PTPN9: variants seen among roughly 807,000 people sequenced by gnomAD.
The protein encoded by PTPN9 is protein tyrosine phosphatase non-receptor type 9.
Under a neutral mutation model 69.8 loss-of-function variants are expected in PTPN9, and 26 were observed. The observed-to-expected ratio is 0.37, with a 90% CI of 0.27 to 0.52. PTPN9 has a LOEUF of 0.52. PTPN9 is among the 20% of genes least tolerant of loss of function. PTPN9 has a pLI of 0.91. For synonymous variants in PTPN9, 274 were observed against 272.5 expected (o/e 1.01, Z -0.05); for missense variants, 549 against 740.3 (o/e 0.74, Z 3.00).
chr15:75,473,963 A>G (rs551247992), intron 9 of PTPN9, among the ~76,000 whole-genome samples, 196 bp from the exon 10 acceptor site: 2 of 152,272 alleles, frequency 1.3e-5, no homozygotes, highest in Non-Finnish European at 2.9e-5. Flanking sequence ...TGTAAGAAAC[A>G]TGAATCTGCA....
intron 7 of PTPN9, among the ~76,000 whole-genome samples, chr15:75,504,079 G>A (rs2074796342): frequency 2.3e-5 from 3 of 128,280 alleles, no homozygotes; most frequent in Admixed American, 7.3e-5. Context: ...GAGGGAGGTG[G>A]GGGGATCAGC....
At position 75,505,160 on chromosome 15, in the gene PTPN9, C is replaced by T. The variant is rs576451956; in HGVS notation, c.968+515G>A. ...ATCCTGTTGATCGGTGACCTTACCC[C>T]CAACCCTGTGCTCTCTGAAACATGT... On this transcript the variant is annotated intron_variant, in intron 7 of 12. Coordinates refer to ENST00000618819, the MANE Select transcript of PTPN9 (RefSeq NM_002833.4). Among the ~76,000 whole-genome samples the T allele has an allele frequency of 2.9e-4, 44 of 151,298 alleles. 1 individual carries two copies. In the South Asian group the frequency reaches 8.2e-3, roughly 28 times the overall value.
At chr15:75,507,446 CAAA>C (rs762520293) in intron 6 of PTPN9, among the ~76,000 whole-genome samples, 22 of 89,132 alleles carry the variant, frequency 2.5e-4, no homozygotes, top group Admixed American at 2.7e-4. Flanking sequence ...AACTCTGTCG[CAAA>C]AAAAAAAAAA....
At chr15:75,531,848 C>G (rs1395952783) in intron 1 of PTPN9, among the ~76,000 whole-genome samples, 1 of 151,628 alleles carries the variant, frequency 6.6e-6, no homozygotes, top group Non-Finnish European at 1.5e-5. Context: ...CGTGAGCCAC[C>G]ACCCCCGGCC....
chr15:75,470,271 C>G (rs543320265), intron 11 of PTPN9, among the ~76,000 whole-genome samples: 43 of 152,342 alleles, frequency 2.8e-4, no homozygotes, highest in South Asian at 1.9e-3. Context: ...GTGGCACGAT[C>G]AAACTTACTG....
In PTPN9 at chr15:75,553,064, C is replaced by T. The variant is rs1161396224; in HGVS notation, c.63+25650G>A. ...ACTTAACTTCTCTGAACCTTAATTT[C>T]GACATTTATAAAACGGGGGTAATAC... On this transcript the variant is annotated intron_variant, in intron 1 of 12. Transcript: ENST00000618819. Among the ~76,000 whole-genome samples, 7 of 151,650 alleles carry T rather than the reference C, an allele frequency of 4.6e-5. No individual in the cohort carries two copies. In the Admixed American group the frequency reaches 4.6e-4, roughly 10 times the overall value.
At chr15:75,575,001 TGAGACAGAG>T (rs377012904) in intron 1 of PTPN9, among the ~76,000 whole-genome samples, 18,102 of 18,746 alleles carry the variant, frequency 0.97, 9,033 homozygotes, top group Middle Eastern at 1. Flanking sequence ...TTTTTTTTTT[TGAGACAGAG>T]GAGACGGAGT....
rs114063444 is a variant in PTPN9 at position 75,527,253 on chromosome 15, C to G, written c.72G>C (p.Lys24Asn). 6 of 1,613,936 alleles carry G rather than the reference C, an allele frequency of 3.7e-6. No homozygotes were observed. The East Asian group carries it at 1.1e-4, about 30-fold the overall frequency. Residue 24 changes from lysine (K) to asparagine (N), a missense_variant, in exon 2 of 13, where the codon AAG becomes AAC. Transcript: ENST00000618819. ...ACTTGTTAATCTCTTCGAGAAACTG[C>G]TTGGTAGCCTGTTTGACAAAGAAAG... ...ELTPEEEQAT[K>N]QFLEEINKWT...
At chr15:75,523,087 T>A in intron 4 of PTPN9, 34 bp downstream of exon 4, 1 of 1,603,822 alleles carries the variant, frequency 6.2e-7, no homozygotes, top group African/African-American at 1.3e-5. Flanking sequence ...CCTACCTGCA[T>A]GTAGAATACC....
At chr15:75,541,202 C>T (rs1025099993) in intron 1 of PTPN9, among the ~76,000 whole-genome samples, 1 of 151,408 alleles carries the variant, frequency 6.6e-6, no homozygotes, top group Non-Finnish European at 1.5e-5. Context: ...ATTCTCCTGC[C>T]CCAGCCTCCC....
intron 1 of PTPN9, among the ~76,000 whole-genome samples, chr15:75,543,670 A>C (rs1405872184): frequency 6.6e-6 from 1 of 152,218 alleles, no homozygotes; most frequent in African/African-American, 2.4e-5. Flanking sequence ...TGAGAAGATT[A>C]ATATTTTCCA....
At chr15:75,481,837 G>T (rs373597822) in intron 8 of PTPN9, among the ~76,000 whole-genome samples, 6 of 135,322 alleles carry the variant, frequency 4.4e-5, no homozygotes, top group East Asian at 2.3e-4. Context: ...AGGTGGGGGG[G>T]GGTCAGCGCC....
At chr15:75,521,803 T>C (rs1473000158) in intron 4 of PTPN9, among the ~76,000 whole-genome samples, 2 of 152,154 alleles carry the variant, frequency 1.3e-5, no homozygotes, top group African/African-American at 2.4e-5. Flanking sequence ...AGAAGACGGA[T>C]GATGGATATG....
intron 4 of PTPN9, 135 bp from the exon 5 acceptor site, chr15:75,517,499 G>T: frequency 1.7e-6 from 1 of 604,708 alleles, no homozygotes; most frequent in Non-Finnish European, 2.8e-6. Context: ...CTGCACACTG[G>T]TCTTACAAAA....
chr15:75,571,336 G>T (rs901388946), intron 1 of PTPN9, among the ~76,000 whole-genome samples: 2 of 151,874 alleles, frequency 1.3e-5, no homozygotes, highest in African/African-American at 2.4e-5. Context: ...ATAAGCATTG[G>T]GCTAAGTGCT....
intron 7 of PTPN9, among the ~76,000 whole-genome samples, chr15:75,497,382 C>T (rs2074748472): frequency 6.6e-6 from 1 of 151,944 alleles, no homozygotes; most frequent in Admixed American, 6.6e-5. Flanking sequence ...GTCCCAGCTA[C>T]TAGGAAGGCT....
intron 1 of PTPN9, among the ~76,000 whole-genome samples, chr15:75,530,851 TTA>T (rs2074960519): frequency 9.8e-6 from 1 of 101,752 alleles, no homozygotes; most frequent in Non-Finnish European, 1.8e-5. Flanking sequence ...ATATTATATA[TTA>T]TGATATATTA....
At chr15:75,527,407 G>A in intron 1 of PTPN9, 146 bp from the exon 2 acceptor site, 1 of 801,056 alleles carries the variant, frequency 1.2e-6, no homozygotes, top group Non-Finnish European at 1.9e-6. Context: ...AAACAAAAAG[G>A]TAGAAACAGG....
At chr15:75,498,315 G>A (rs2074754537) in intron 7 of PTPN9, among the ~76,000 whole-genome samples, 1 of 151,862 alleles carries the variant, frequency 6.6e-6, no homozygotes, top group Non-Finnish European at 1.5e-5. Context: ...AATGTTACTT[G>A]ATATAACAAC....
Sources: allele counts gnomAD v4.1 joint callset (sites outside exome capture counted in the v4.1 genomes callset), GRCh38; gene constraint gnomAD v4.1.1; transcripts MANE v1.5; gene names NCBI Gene and HGNC (gene_info 2026-07-23, HGNC 2026-07-21).